The following NRP1 variants were observed in gnomAD, a reference collection of about 807,000 sequenced individuals.
NRP1 encodes the protein neuropilin-1.
A neutral mutation model predicts 106.7 loss-of-function variants in NRP1; 35 were observed. The observed-to-expected ratio is 0.33, with a 90% CI of 0.25 to 0.43. NRP1 has a LOEUF of 0.43. Ranked by LOEUF, NRP1 falls within the 20% of genes least tolerant of loss-of-function variation. NRP1 has a pLI of 1.00. For missense variants in NRP1, 1,024 were observed against 1,170.4 expected, an observed-to-expected ratio of 0.87 and a Z score of 1.83; for synonymous variants, 437 against 417.9, an observed-to-expected ratio of 1.05 and a Z score of -0.56.
At chr10:33,244,331 C>T (rs1025269775) in intron 6 of NRP1, among the ~76,000 whole-genome samples, 2 of 152,150 alleles carry the variant, frequency 1.3e-5, no homozygotes, top group African/African-American at 4.8e-5. Context: ...TAAATGTGAA[C>T]ATTAATGCAC....
chr10:33,259,099 C>T (rs1842400930), intron 4 of NRP1, among the ~76,000 whole-genome samples: 1 of 152,190 alleles, frequency 6.6e-6, no homozygotes, highest in African/African-American at 2.4e-5. Context: ...GCGGCTGATC[C>T]TCCCTGCCAC....
At chr10:33,208,557 A>T (rs190570064) in intron 9 of NRP1, among the ~76,000 whole-genome samples, 1 of 152,140 alleles carries the variant, frequency 6.6e-6, no homozygotes, top group Non-Finnish European at 1.5e-5. Context: ...GAGCCTCCTT[A>T]TATCCTCTTC....
rs1198581851 is a variant in NRP1, at chr10:33,178,464, A to C, written c.*1612T>G. 1 of 138,480 alleles carries C rather than the reference A, an allele frequency of 7.2e-6. No homozygotes were observed. The highest frequency in any genetic ancestry group is 1.5e-5 in the Non-Finnish European group (1 of 65,018). The allele number at this position is 138,480 out of a possible 1,614,324, so 8.6% of individuals were successfully genotyped here. A position where few individuals can be genotyped will look rare whatever the true frequency, so the allele number is the denominator to read the frequency against. ...AGTCTATTTTTTCAAGGTTGCTGTT[A>C]TGAATTTTTAAAACATTTGTTTGAC... is the stretch of plus-strand genomic sequence containing the variant. On this transcript the variant is annotated 3_prime_UTR_variant, in exon 17 of 17. Coordinates refer to ENST00000374867, the MANE Select transcript of NRP1 (RefSeq NM_003873.7).
At chr10:33,252,997 T>C (rs935002465) in intron 6 of NRP1, among the ~76,000 whole-genome samples, 1 of 76,794 alleles carries the variant, frequency 1.3e-5, no homozygotes, top group Non-Finnish European at 2.3e-5. Flanking sequence ...CATCTTGTGG[T>C]TTTTTTTTTT....
chr10:33,237,579 T>C (rs896344963), intron 6 of NRP1, among the ~76,000 whole-genome samples: 7 of 92,576 alleles, frequency 7.6e-5, no homozygotes, highest in Middle Eastern at 6.3e-3. Flanking sequence ...CCTTCTTCTT[T>C]TTTTTTTTTT....
intron 12 of NRP1, chr10:33,194,442 CT>C (rs1836632824): frequency 4.5e-6 from 1 of 219,818 alleles, no homozygotes; most frequent in Non-Finnish European, 9.4e-6. Flanking sequence ...ATCATCCATT[CT>C]TTTGGCTCTT....
chr10:33,296,560 A>T (rs1845400420), intron 2 of NRP1, among the ~76,000 whole-genome samples: 1 of 152,058 alleles, frequency 6.6e-6, no homozygotes, highest in African/African-American at 2.4e-5. Flanking sequence ...GCTCAGCTGG[A>T]GGCATGAGGG....
At chr10:33,208,215 C>T (rs1295184726) in intron 9 of NRP1, among the ~76,000 whole-genome samples, 1 of 152,116 alleles carries the variant, frequency 6.6e-6, no homozygotes, top group Non-Finnish European at 1.5e-5. Context: ...CATGCGCCAC[C>T]ACGCCGAGCT....
chr10:33,273,044 C>T (rs1327859982), intron 2 of NRP1, among the ~76,000 whole-genome samples: 1 of 136,286 alleles, frequency 7.3e-6, no homozygotes, highest in Non-Finnish European at 1.5e-5. Context: ...ACTAGGCGCT[C>T]CTCTTGGCAA....
At chr10:33,334,205 G>T in intron 1 of NRP1, 105 bp downstream of exon 1, 3 of 1,012,172 alleles carry the variant, frequency 3.0e-6, no homozygotes, top group Admixed American at 2.5e-5. Flanking sequence ...CCCGGGAGTC[G>T]GTTGTTCCCG....
At chr10:33,285,563 G>A (rs914899695) in intron 2 of NRP1, among the ~76,000 whole-genome samples, 1 of 152,156 alleles carries the variant, frequency 6.6e-6, no homozygotes, top group African/African-American at 2.4e-5. Flanking sequence ...AGGGGGCTGG[G>A]TGCAGTGTTG....
At chr10:33,319,588 C>CTTT (rs35886672) in intron 2 of NRP1, among the ~76,000 whole-genome samples, 14 of 115,566 alleles carry the variant, frequency 1.2e-4, no homozygotes, top group Admixed American at 1.8e-4. Context: ...TTCTTTCTTT[C>CTTT]TTTTTTTTTT....
chr10:33,251,104 T>C (rs1277858073), intron 6 of NRP1, among the ~76,000 whole-genome samples: 2 of 152,178 alleles, frequency 1.3e-5, no homozygotes, highest in Non-Finnish European at 2.9e-5. Context: ...TGGGAGGTGA[T>C]TTGATCATGG....
intron 3 of NRP1, among the ~76,000 whole-genome samples, chr10:33,269,076 A>G (rs984804805): frequency 1.3e-5 from 2 of 152,104 alleles, no homozygotes; most frequent in African/African-American, 4.8e-5. Flanking sequence ...TTTTTTTTCT[A>G]TCGAAACAAG....
intron 2 of NRP1, among the ~76,000 whole-genome samples, chr10:33,315,705 G>A (rs1290303515): frequency 9.3e-6 from 1 of 107,852 alleles, no homozygotes; most frequent in Non-Finnish European, 2.4e-5. Context: ...TCTGAGAAGT[G>A]TCAGAGGACG....
At chr10:33,302,459 A>G (rs967468515) in intron 2 of NRP1, among the ~76,000 whole-genome samples, 5 of 152,236 alleles carry the variant, frequency 3.3e-5, no homozygotes, top group African/African-American at 1.2e-4. Context: ...CTCCTTGATC[A>G]AAAGATGGCT....
chr10:33,265,044 A>C (rs1842831963), intron 3 of NRP1, among the ~76,000 whole-genome samples: 1 of 151,906 alleles, frequency 6.6e-6, no homozygotes, highest in Admixed American at 6.6e-5. Context: ...CGGGAGGCAG[A>C]GGTTGCAGTG....
chr10:33,185,233 C>A (rs1332894176), intron 15 of NRP1, among the ~76,000 whole-genome samples: 1 of 152,178 alleles, frequency 6.6e-6, no homozygotes, highest in East Asian at 1.9e-4. Context: ...TTATTCTGAT[C>A]AAAGTTTTCA....
intron 2 of NRP1, among the ~76,000 whole-genome samples, chr10:33,301,711 A>G (rs907494577): frequency 6.6e-5 from 10 of 152,128 alleles, no homozygotes; most frequent in Admixed American, 4.6e-4. Context: ...TCCCTACTCC[A>G]CAAGCAGGAT....
Sources: allele counts gnomAD v4.1 joint callset (sites outside exome capture counted in the v4.1 genomes callset), GRCh38; gene constraint gnomAD v4.1.1; transcripts MANE v1.5; gene names NCBI Gene and HGNC (gene_info 2026-07-23, HGNC 2026-07-21).